ACER3: variants seen among roughly 807,000 people sequenced by gnomAD.
ACER3 encodes alkCDase 3.
ACER3 carries 16 observed loss-of-function variants against 48.9 expected under a neutral mutation model. That is an observed-to-expected ratio of 0.33 (90% CI 0.22 to 0.50). ACER3 has a LOEUF of 0.50. ACER3 is among the 20% of genes least tolerant of loss of function. The pLI is 0.98. For missense variants in ACER3, 227 were observed against 326.0 expected (o/e 0.70, Z 2.34); for synonymous variants, 109 against 107.8 (o/e 1.01, Z -0.07).
chr11:76,873,831 G>A (rs556916685), intron 1 of ACER3, among the ~76,000 whole-genome samples: 19 of 152,122 alleles, frequency 1.2e-4, no homozygotes, highest in African/African-American at 4.6e-4. Context: ...AGTAATTTGG[G>A]GAACATCACT....
intron 9 of ACER3, among the ~76,000 whole-genome samples, chr11:77,019,212 G>A (rs189885550): frequency 6.6e-6 from 1 of 152,202 alleles, no homozygotes; most frequent in East Asian, 1.9e-4. Flanking sequence ...TGTAATCCCA[G>A]CACTTTGGGA....
intron 2 of ACER3, chr11:76,957,592 T>TATC (rs1220770597): frequency 2.2e-5 from 7 of 317,616 alleles, no homozygotes; most frequent in Non-Finnish European, 6.2e-6. Flanking sequence ...TACAGGTGTG[T>TATC]ATCACCATGT....
intron 4 of ACER3, among the ~76,000 whole-genome samples, chr11:76,983,180 C>T (rs1401352823): frequency 1.3e-5 from 2 of 152,178 alleles, no homozygotes; most frequent in Non-Finnish European, 2.9e-5. Flanking sequence ...AAGTTAATAT[C>T]TTAACATTAC....
intron 3 of ACER3, among the ~76,000 whole-genome samples, chr11:76,975,665 A>C (rs1475308226): frequency 1.3e-5 from 2 of 152,032 alleles, no homozygotes; most frequent in Non-Finnish European, 2.9e-5. Context: ...AGTTTGTAAT[A>C]CCAGATGATA....
intron 1 of ACER3, among the ~76,000 whole-genome samples, chr11:76,882,223 T>A (rs188324806): frequency 5.1e-4 from 76 of 149,224 alleles, no homozygotes; most frequent in African/African-American, 1.6e-3. Context: ...GCCAGGATGG[T>A]CTCGATCTCC....
At chr11:76,963,772 A>C (rs1948061895) in intron 3 of ACER3, among the ~76,000 whole-genome samples, 1 of 151,508 alleles carries the variant, frequency 6.6e-6, no homozygotes, top group South Asian at 2.1e-4. Context: ...ATGTGATGCT[A>C]TACCAAAGTC....
chr11:76,976,674 T>C (rs1209059464), intron 4 of ACER3, among the ~76,000 whole-genome samples: 1 of 152,210 alleles, frequency 6.6e-6, no homozygotes, highest in Non-Finnish European at 1.5e-5. Flanking sequence ...GTTTCTGTAT[T>C]CTACAATATA....
chr11:76,981,996 C>T (rs1345081207), intron 4 of ACER3, among the ~76,000 whole-genome samples: 1 of 152,160 alleles, frequency 6.6e-6, no homozygotes, highest in East Asian at 1.9e-4. Context: ...TATTGTTCTA[C>T]TGGCAATATA....
At chr11:77,002,905 G>C (rs1369854361) in intron 7 of ACER3, among the ~76,000 whole-genome samples, 1 of 152,242 alleles carries the variant, frequency 6.6e-6, no homozygotes, top group South Asian at 2.1e-4. Flanking sequence ...ACTTCATAGA[G>C]ACACAAATAA....
chr11:76,965,564 TAGGG>T (rs1948116303), intron 3 of ACER3, among the ~76,000 whole-genome samples: 4 of 151,242 alleles, frequency 2.6e-5, no homozygotes, highest in African/African-American at 9.9e-5. Flanking sequence ...GACAGAAAGG[TAGGG>T]TTACCCACAA....
chr11:76,895,576 T>C (rs1233752085), intron 1 of ACER3, among the ~76,000 whole-genome samples: 1 of 152,178 alleles, frequency 6.6e-6, no homozygotes, highest in Non-Finnish European at 1.5e-5. Flanking sequence ...ACTGTATACA[T>C]GTAGACAAGC....
At chr11:76,948,530 C>T (rs1426222695) in intron 2 of ACER3, among the ~76,000 whole-genome samples, 1 of 152,150 alleles carries the variant, frequency 6.6e-6, no homozygotes, top group East Asian at 1.9e-4. Flanking sequence ...TGGAAAGCTA[C>T]AGCCATGCAT....
At chr11:76,952,137 T>TAC (rs1190791147) in intron 2 of ACER3, among the ~76,000 whole-genome samples, 26 of 74,460 alleles carry the variant, frequency 3.5e-4, no homozygotes, top group African/African-American at 5.4e-4. Flanking sequence ...TATATATATA[T>TAC]ATACACACAC....
At chr11:76,877,174 A>G (rs539842053) in intron 1 of ACER3, among the ~76,000 whole-genome samples, 27 of 152,284 alleles carry the variant, frequency 1.8e-4, no homozygotes, top group African/African-American at 6.0e-4. Flanking sequence ...ATTTTACCCA[A>G]TGAAAGCAAG....
chr11:76,962,217 T>TG lies in ACER3; in HGVS notation c.267+3186_267+3187insG, dbSNP rs1328143027. Among the ~76,000 whole-genome samples the TG allele has an allele frequency of 0.023, 9 of 398 alleles. No individual in the cohort carries two copies. In the East Asian group the frequency reaches 0.44, roughly 20 times the overall value. 0.3% of individuals were successfully genotyped at this position (398 alleles called of 152,430 possible). A position where few individuals can be genotyped will look rare whatever the true frequency, so the allele number is the denominator to read the frequency against. On this transcript the variant is annotated intron_variant, in intron 3 of 10. Coordinates refer to ENST00000532485, the MANE Select transcript of ACER3 (RefSeq NM_018367.7). ...GGCGTGCACCACCATGCCCAGCTAATTTTTTTTTTTTTTTTTTGAGATGGA... is the reference window on the plus strand; with the variant it reads ...GGCGTGCACCACCATGCCCAGCTAATGTTTTTTTTTTTTTTTTTGAGATGGA...
intron 1 of ACER3, among the ~76,000 whole-genome samples, chr11:76,867,458 G>T (rs1249448349): frequency 2.1e-5 from 2 of 96,394 alleles, no homozygotes; most frequent in East Asian, 3.2e-4. Flanking sequence ...GACAGAGTGA[G>T]ACTCTGTCTC....
chr11:76,893,939 G>A (rs1258098231), intron 1 of ACER3, among the ~76,000 whole-genome samples: 1 of 152,146 alleles, frequency 6.6e-6, no homozygotes, highest in East Asian at 1.9e-4. Context: ...TTCATTTGTG[G>A]AGTGAAGGAA....
intron 1 of ACER3, among the ~76,000 whole-genome samples, chr11:76,879,067 C>T (rs1280722178): frequency 1.3e-5 from 2 of 152,040 alleles, no homozygotes; most frequent in African/African-American, 4.8e-5. Context: ...AATATAAGTC[C>T]ATTTGCCAAA....
intron 6 of ACER3, among the ~76,000 whole-genome samples, chr11:76,996,243 CTCTA>C (rs1222670352): frequency 6.6e-6 from 1 of 152,020 alleles, no homozygotes; most frequent in Non-Finnish European, 1.5e-5. Context: ...TAGTTCAGGT[CTCTA>C]TCTCTCACTT....
Sources: allele counts gnomAD v4.1 joint callset (sites outside exome capture counted in the v4.1 genomes callset), GRCh38; gene constraint gnomAD v4.1.1; transcripts MANE v1.5; gene names NCBI Gene and HGNC (gene_info 2026-07-23, HGNC 2026-07-21).